SPATA17: variants seen among roughly 807,000 people sequenced by gnomAD.
SPATA17 encodes the protein spermatogenesis-associated protein 17.
SPATA17 carries 53 observed loss-of-function variants against 62.2 expected under a neutral mutation model. That is an observed-to-expected ratio of 0.85 (90% CI 0.68 to 1.07). The LOEUF is 1.07. Among genes scored for constraint, SPATA17 ranks in the 50% least tolerant of loss-of-function variants. The pLI, the probability that SPATA17 is intolerant of heterozygous loss-of-function variation, is 0.00. For synonymous variants in SPATA17, 146 were observed against 146.8 expected (o/e 0.99, Z 0.04); for missense variants, 466 against 425.5 (o/e 1.10, Z -0.84).
intron 4 of SPATA17, among the ~76,000 whole-genome samples, chr1:217,682,096 G>A (rs951515416): frequency 4.6e-5 from 7 of 152,022 alleles, no homozygotes; most frequent in Non-Finnish European, 8.8e-5. Context: ...AAATCTTTAC[G>A]CAAGACTAAG....
intron 9 of SPATA17, among the ~76,000 whole-genome samples, chr1:217,812,070 AG>A (rs1198771614): frequency 6.6e-6 from 1 of 152,196 alleles, no homozygotes; most frequent in East Asian, 1.9e-4. Context: ...ACTTTAGCCA[AG>A]AAGGCTCAAG....
At chr1:217,662,222 T>G (rs185036391) in intron 3 of SPATA17, among the ~76,000 whole-genome samples, 1 of 152,284 alleles carries the variant, frequency 6.6e-6, no homozygotes, top group Admixed American at 6.5e-5. Flanking sequence ...ATCACCATAG[T>G]CTGAGAGCAG....
chr1:217,819,226 ATTTTC>A (rs1674801581), intron 9 of SPATA17, among the ~76,000 whole-genome samples: 1 of 149,156 alleles, frequency 6.7e-6, no homozygotes, highest in East Asian at 2.0e-4. Flanking sequence ...TATTTTGCTT[ATTTTC>A]TTTATTTTAT....
intron 9 of SPATA17, chr1:217,850,735 G>A: frequency 1.2e-6 from 1 of 828,382 alleles, no homozygotes; most frequent in South Asian, 1.8e-5. Flanking sequence ...CACCCCTCCA[G>A]AATATTTTAT....
At chr1:217,861,349 G>T (rs1675893493) in intron 9 of SPATA17, among the ~76,000 whole-genome samples, 1 of 149,414 alleles carries the variant, frequency 6.7e-6, no homozygotes, top group Non-Finnish European at 1.5e-5. Flanking sequence ...AACATATCTT[G>T]CAAGGCAGGT....
intron 7 of SPATA17, among the ~76,000 whole-genome samples, chr1:217,776,827 A>C (rs920410090): frequency 2.2e-4 from 34 of 152,002 alleles, no homozygotes; most frequent in African/African-American, 8.0e-4. Context: ...CCCTCCTCAC[A>C]TTGGCATCTT....
rs536542090 is a variant in SPATA17 at position 217,665,844 on chromosome 1, A to C, written c.241-3189A>C. Among the ~76,000 whole-genome samples, 39 of 152,348 alleles carry C rather than the reference A, an allele frequency of 2.6e-4. No homozygotes were observed. The South Asian group carries it at 7.9e-3, about 31-fold the overall frequency. On this transcript the variant is annotated intron_variant, in intron 3 of 10. Transcript: ENST00000366933. ...CAAAAGGAATATATTCCTTCTAAAA[A>C]ATTTCAGAAGCTTTCTAAAAATTGA...
At chr1:217,766,357 A>C (rs777076007) in intron 6 of SPATA17, among the ~76,000 whole-genome samples, 3 of 151,158 alleles carry the variant, frequency 2.0e-5, no homozygotes, top group Non-Finnish European at 4.4e-5. Context: ...CTTTTTTTTT[A>C]ACTTAAATTA....
intron 1 of SPATA17, among the ~76,000 whole-genome samples, chr1:217,640,350 T>C (rs1670032933): frequency 1.3e-5 from 2 of 152,052 alleles, no homozygotes; most frequent in Non-Finnish European, 2.9e-5. Flanking sequence ...CTATACCACA[T>C]ACAAAAAAGG....
intron 9 of SPATA17, among the ~76,000 whole-genome samples, chr1:217,813,138 A>G (rs983872923): frequency 5.9e-5 from 9 of 152,190 alleles, no homozygotes; most frequent in Admixed American, 3.3e-4. Context: ...TTTGCTGTCT[A>G]CGGCTTTTGG....
intron 8 of SPATA17, among the ~76,000 whole-genome samples, chr1:217,796,358 G>A (rs1674151865): frequency 6.6e-6 from 1 of 151,982 alleles, no homozygotes; most frequent in African/African-American, 2.4e-5. Flanking sequence ...CTGAGCCAAG[G>A]TGATTTGAGA....
intron 9 of SPATA17, among the ~76,000 whole-genome samples, chr1:217,825,394 TTTG>T (rs1326476583): frequency 6.6e-6 from 1 of 151,988 alleles, no homozygotes; most frequent in African/African-American, 2.4e-5. Flanking sequence ...ATTTTTTTGT[TTTG>T]TTTTTATAAA....
intron 6 of SPATA17, among the ~76,000 whole-genome samples, chr1:217,772,760 G>T (rs544394746): frequency 1.3e-5 from 2 of 152,178 alleles, no homozygotes; most frequent in Admixed American, 6.5e-5. Context: ...AGGCCCTGGG[G>T]TTGCAAAAAT....
At chr1:217,781,429 T>C (rs1311527333) in intron 7 of SPATA17, 2 of 152,212 alleles carry the variant, frequency 1.3e-5, no homozygotes, top group Non-Finnish European at 2.9e-5. Context: ...CTTTGATTTG[T>C]ATTGTGCCTA....
At position 217,871,058 on chromosome 1, in the gene SPATA17, T is replaced by G. The variant is rs999546145; in HGVS notation, c.*4039T>G. ...GTTACTTTTAACTAGTCTCACTAAT[T>G]TATAGTTATATATGATGTAGATCTA... is the stretch of plus-strand genomic sequence containing the variant. On this transcript the variant is annotated 3_prime_UTR_variant, in exon 11 of 11. Transcript: ENST00000366933. The G allele has an allele frequency of 1.3e-5, 2 of 152,214 alleles. No individual in the cohort carries two copies. Among genetic ancestry groups the G allele is most frequent in the African/African-American group, 4.8e-5 (2 of 41,458 alleles). The allele number at this position is 152,214 out of a possible 1,614,324, so 9.4% of individuals were successfully genotyped here. A position where few individuals can be genotyped will look rare whatever the true frequency, so the allele number is the denominator to read the frequency against.
chr1:217,701,877 T>C (rs562492306), intron 5 of SPATA17, among the ~76,000 whole-genome samples: 4 of 152,284 alleles, frequency 2.6e-5, no homozygotes, highest in African/African-American at 9.6e-5. Flanking sequence ...CTGTTCTTTT[T>C]GCTCTTTCCA....
At chr1:217,732,366 G>C (rs1269332300) in intron 5 of SPATA17, among the ~76,000 whole-genome samples, 1 of 152,170 alleles carries the variant, frequency 6.6e-6, no homozygotes, top group African/African-American at 2.4e-5. Context: ...TCTGTGTTTA[G>C]TGGATTGCAT....
intron 9 of SPATA17, among the ~76,000 whole-genome samples, chr1:217,803,699 A>G (rs1674368270): frequency 6.6e-6 from 1 of 152,144 alleles, no homozygotes; most frequent in Admixed American, 6.5e-5. Flanking sequence ...TCAAAATCCC[A>G]ATGTCATTTT....
At chr1:217,863,068 G>T (rs1179115192) in intron 10 of SPATA17, among the ~76,000 whole-genome samples, 2 of 150,132 alleles carry the variant, frequency 1.3e-5, no homozygotes, top group Non-Finnish European at 3.0e-5. Context: ...TCTCCAAAAT[G>T]AGCCAAAAAT....
Sources: gnomAD v4.1 joint callset for allele counts (sites outside exome capture counted in the v4.1 genomes callset) on GRCh38, gnomAD v4.1.1 for gene constraint, MANE v1.5 for transcripts, NCBI Gene and HGNC (gene_info 2026-07-23, HGNC 2026-07-21) for gene names.